Variants in LRRC4C observed in about 807,000 individuals in gnomAD.
LRRC4C encodes the protein leucine-rich repeat-containing protein 4C.
A neutral mutation model predicts 33.6 loss-of-function variants in LRRC4C; 5 were observed. The ratio of observed to expected loss-of-function variants is 0.15; its 90% CI spans 0.08 to 0.31. The LOEUF (loss-of-function observed/expected upper bound fraction) is 0.31, where lower values mean the gene tolerates loss of function less well. Among genes scored for constraint, LRRC4C ranks in the 10% least tolerant of loss-of-function variants. LRRC4C has a pLI of 1.00. For missense variants in LRRC4C, 560 were observed against 796.7 expected, an observed-to-expected ratio of 0.70 and a Z score of 3.58; for synonymous variants, 329 against 302.0, an observed-to-expected ratio of 1.09 and a Z score of -0.93.
chr11:40,456,843 AGAAG>A (rs1247394378), intron 3 of LRRC4C, among the ~76,000 whole-genome samples: 2 of 151,554 alleles, frequency 1.3e-5, no homozygotes, highest in Admixed American at 6.6e-5. Flanking sequence ...AGGAAGAAAA[AGAAG>A]GAAGGAAGGA....
At chr11:40,873,979 T>C (rs889830920) in intron 2 of LRRC4C, among the ~76,000 whole-genome samples, 3 of 152,276 alleles carry the variant, frequency 2.0e-5, no homozygotes, top group African/African-American at 7.2e-5. Context: ...GTAGATATAA[T>C]GTATATAAGA....
At chr11:40,241,011 A>G (rs982076242) in intron 5 of LRRC4C, among the ~76,000 whole-genome samples, 2 of 152,178 alleles carry the variant, frequency 1.3e-5, no homozygotes, top group African/African-American at 4.8e-5. Flanking sequence ...AAATGTCTCA[A>G]CGCTGTTGTT....
intron 2 of LRRC4C, among the ~76,000 whole-genome samples, chr11:40,811,645 A>C (rs181067124): frequency 6.6e-6 from 1 of 152,148 alleles, no homozygotes; most frequent in Admixed American, 6.5e-5. Context: ...CTACAGGCAC[A>C]CACCACCATG....
intron 4 of LRRC4C, among the ~76,000 whole-genome samples, chr11:40,314,761 A>T (rs750831053): frequency 6.6e-6 from 1 of 152,124 alleles, no homozygotes; most frequent in Non-Finnish European, 1.5e-5. Flanking sequence ...TATCAATGGA[A>T]CTGGAGGACA....
chr11:40,413,036 C>T (rs982597658), intron 3 of LRRC4C, among the ~76,000 whole-genome samples: 1 of 151,964 alleles, frequency 6.6e-6, no homozygotes, highest in Non-Finnish European at 1.5e-5. Flanking sequence ...CAACTCAATT[C>T]AGAGGCCTAT....
chr11:40,586,674 G>A (rs1162695103), intron 3 of LRRC4C, among the ~76,000 whole-genome samples: 1 of 147,756 alleles, frequency 6.8e-6, no homozygotes. Flanking sequence ...AAGGGATCCA[G>A]TTTCAGCTTT....
chr11:40,784,758 A>G (rs535846458), intron 2 of LRRC4C, among the ~76,000 whole-genome samples: 14 of 152,328 alleles, frequency 9.2e-5, no homozygotes, highest in Admixed American at 5.9e-4. Flanking sequence ...AGGAAAGACG[A>G]GAGTGTCAAA....
At chr11:40,283,541 T>A (rs1303724291) in intron 4 of LRRC4C, among the ~76,000 whole-genome samples, 1 of 152,066 alleles carries the variant, frequency 6.6e-6, no homozygotes, top group Non-Finnish European at 1.5e-5. Flanking sequence ...ATGGCCTATA[T>A]CACTAACTGA....
chr11:40,814,656 T>C (rs1951634259), intron 2 of LRRC4C, among the ~76,000 whole-genome samples: 1 of 151,734 alleles, frequency 6.6e-6, no homozygotes, highest in Admixed American at 6.6e-5. Flanking sequence ...TTCAGACTTT[T>C]ATGCTCTGCT....
At chr11:41,274,708 A>G (rs1429376260) in intron 1 of LRRC4C, among the ~76,000 whole-genome samples, 1 of 152,028 alleles carries the variant, frequency 6.6e-6, no homozygotes, top group East Asian at 1.9e-4. Flanking sequence ...CCCCTTCCAT[A>G]TTGTGGAAGC....
At chr11:40,273,300 A>C (rs1191550739) in intron 4 of LRRC4C, among the ~76,000 whole-genome samples, 1 of 152,104 alleles carries the variant, frequency 6.6e-6, no homozygotes, top group Non-Finnish European at 1.5e-5. Context: ...TGAGTGAAGC[A>C]CTGGGGGACA....
At chr11:40,787,032 A>G (rs1461968017) in intron 2 of LRRC4C, among the ~76,000 whole-genome samples, 1 of 152,146 alleles carries the variant, frequency 6.6e-6, no homozygotes, top group Admixed American at 6.5e-5. Context: ...CAGACAGGCA[A>G]TCCGAGACAC....
intron 2 of LRRC4C, among the ~76,000 whole-genome samples, chr11:40,843,217 G>T (rs762664626): frequency 6.6e-6 from 1 of 152,094 alleles, no homozygotes; most frequent in Non-Finnish European, 1.5e-5. Context: ...AGCCATTCTA[G>T]TCTACTATTA....
At chr11:40,329,603 T>TA (rs1240101293) in intron 3 of LRRC4C, among the ~76,000 whole-genome samples, 3 of 152,134 alleles carry the variant, frequency 2.0e-5, no homozygotes, top group East Asian at 3.9e-4. Context: ...CAGCTCAACA[T>TA]AAAAAAATTC....
At chr11:41,170,487 A>G (rs921023384) in intron 1 of LRRC4C, among the ~76,000 whole-genome samples, 5 of 152,222 alleles carry the variant, frequency 3.3e-5, no homozygotes, top group Admixed American at 6.5e-5. Flanking sequence ...CAAGCCTGAC[A>G]AAAACAAGAA....
At chr11:40,731,930 T>C (rs1053381276) in intron 2 of LRRC4C, among the ~76,000 whole-genome samples, 4 of 152,050 alleles carry the variant, frequency 2.6e-5, no homozygotes, top group African/African-American at 9.7e-5. Context: ...TGTTGCTAAA[T>C]ATAAACACTA....
intron 1 of LRRC4C, among the ~76,000 whole-genome samples, chr11:40,944,116 G>T (rs1275192760): frequency 5.3e-5 from 8 of 151,938 alleles, no homozygotes; most frequent in Non-Finnish European, 4.4e-5. Flanking sequence ...AGCAGAAAAT[G>T]ATTTTCAAAA....
At chr11:41,141,447 A>G (rs781205163) in intron 1 of LRRC4C, among the ~76,000 whole-genome samples, 12 of 152,196 alleles carry the variant, frequency 7.9e-5, no homozygotes, top group South Asian at 2.1e-4. Flanking sequence ...GCTTATATCA[A>G]TTAGTAAAAT....
chr11:40,805,723 C>T (rs1951218007), intron 2 of LRRC4C, among the ~76,000 whole-genome samples: 1 of 152,080 alleles, frequency 6.6e-6, no homozygotes, highest in Non-Finnish European at 1.5e-5. Context: ...ACAGATATAT[C>T]TGTTATGATT....
Sources: allele counts gnomAD v4.1 joint callset (sites outside exome capture counted in the v4.1 genomes callset), GRCh38; gene constraint gnomAD v4.1.1; transcripts MANE v1.5; gene names NCBI Gene and HGNC (gene_info 2026-07-23, HGNC 2026-07-21).